RYR2: variants seen among roughly 807,000 people sequenced by gnomAD.
RYR2 encodes the protein cardiac muscle ryanodine receptor-calcium release channel.
In RYR2, 227 loss-of-function variants were observed where a neutral mutation model predicts 601.1. The observed-to-expected ratio is 0.38, with a 90% confidence interval of 0.34 to 0.42. The LOEUF (loss-of-function observed/expected upper bound fraction) is 0.42. Among genes scored for constraint, RYR2 ranks in the 10% least tolerant of loss-of-function variants. RYR2 has a pLI of 1.00. For missense variants in RYR2, 4,646 were observed against 6,156.5 expected (o/e 0.75, Z 8.21); for synonymous variants, 2,223 against 2,175.1 (o/e 1.02, Z -0.61).
intron 1 of RYR2, among the ~76,000 whole-genome samples, chr1:237,103,700 C>G (rs2148532705): frequency 6.6e-6 from 1 of 152,320 alleles, no homozygotes; most frequent in Non-Finnish European, 1.5e-5. Context: ...TCCCGAGTAG[C>G]TGGGATTACA....
chr1:237,464,637 A>G (rs1659861904), intron 16 of RYR2, among the ~76,000 whole-genome samples: 1 of 152,310 alleles, frequency 6.6e-6, no homozygotes, highest in South Asian at 2.1e-4. Flanking sequence ...CCCCCCAAAT[A>G]TCAGCAATCA....
chr1:237,171,489 C>T (rs1202793572), intron 1 of RYR2, among the ~76,000 whole-genome samples: 2 of 152,066 alleles, frequency 1.3e-5, no homozygotes, highest in Non-Finnish European at 2.9e-5. Flanking sequence ...ATCAGAATGC[C>T]TTTGATTTAT....
At chr1:237,720,751 A>G (rs1426965185) in intron 73 of RYR2, among the ~76,000 whole-genome samples, 1 of 152,238 alleles carries the variant, frequency 6.6e-6, no homozygotes, top group Non-Finnish European at 1.5e-5. Context: ...AGAGACAGAG[A>G]GTGCTCAGTA....
chr1:237,310,035 T>G (rs946494832), intron 2 of RYR2, among the ~76,000 whole-genome samples: 1 of 152,142 alleles, frequency 6.6e-6, no homozygotes, highest in Non-Finnish European at 1.5e-5. Flanking sequence ...AGCTCCAGCC[T>G]CGGCCAGCAC....
chr1:237,367,334 C>T (rs1342348604), intron 5 of RYR2, among the ~76,000 whole-genome samples: 2 of 152,130 alleles, frequency 1.3e-5, no homozygotes, highest in East Asian at 1.9e-4. Flanking sequence ...TCACACGATC[C>T]ACCTGTCTTG....
chr1:237,057,647 G>A (rs763352097), intron 1 of RYR2, among the ~76,000 whole-genome samples: 4 of 152,100 alleles, frequency 2.6e-5, no homozygotes, highest in Non-Finnish European at 5.9e-5. Context: ...AGAGGAGGTG[G>A]GAGCTTGAAA....
At chr1:237,116,430 G>A (rs1412139276) in intron 1 of RYR2, among the ~76,000 whole-genome samples, 1 of 152,038 alleles carries the variant, frequency 6.6e-6, no homozygotes, top group Non-Finnish European at 1.5e-5. Flanking sequence ...CATAATAGGA[G>A]GTACTCTTAT....
intron 3 of RYR2, among the ~76,000 whole-genome samples, chr1:237,337,072 G>A (rs1042618181): frequency 9.9e-5 from 15 of 151,758 alleles, no homozygotes; most frequent in African/African-American, 2.7e-4. Flanking sequence ...CCAACATGTT[G>A]AAACCCCATC....
intron 2 of RYR2, among the ~76,000 whole-genome samples, chr1:237,329,264 C>A (rs917638856): frequency 6.6e-6 from 1 of 152,014 alleles, no homozygotes; most frequent in Non-Finnish European, 1.5e-5. Flanking sequence ...CTTACTGCAG[C>A]CTCAAACTCT....
At position 237,732,202 on chromosome 1, in the gene RYR2, G is replaced by A. The variant is rs144921297; in HGVS notation, c.11039+53G>A. 6.1e-4 allele frequency: 632 copies of A among 1,043,002 alleles called. 3 individuals are homozygous for A. In the African/African-American group the frequency reaches 8.2e-3, roughly 13 times the overall value. The allele number at this position is 1,043,002 out of a possible 1,614,324, so 64.6% of individuals were successfully genotyped here. ...ATAGGAGGAGCAAATAAAGACACCC[G>A]TGTCTGAGTATTCTGTGCCATGTGT... On this transcript the variant is annotated intron_variant, in intron 78 of 104. Transcript: ENST00000366574.
chr1:237,374,846 G>A, intron 7 of RYR2, 51 bp downstream of exon 7: 2 of 1,443,222 alleles, frequency 1.4e-6, no homozygotes, highest in Non-Finnish European at 1.9e-6. Flanking sequence ...CCCTGCAGGG[G>A]TTGGATTGGA....
chr1:237,761,695 A>G (rs1171775578), intron 84 of RYR2, among the ~76,000 whole-genome samples: 1 of 152,146 alleles, frequency 6.6e-6, no homozygotes, highest in Admixed American at 6.5e-5. Flanking sequence ...CTGCCCTTTC[A>G]TTTTAGCAGT....
chr1:237,345,101 G>T (rs1045265357), intron 3 of RYR2, among the ~76,000 whole-genome samples: 1 of 152,066 alleles, frequency 6.6e-6, no homozygotes, highest in Admixed American at 6.6e-5. Flanking sequence ...GAGCCACTGC[G>T]CCCAGCCTGT....
chr1:237,266,607 T>G (rs1689083972), intron 1 of RYR2, among the ~76,000 whole-genome samples: 1 of 152,212 alleles, frequency 6.6e-6, no homozygotes. Flanking sequence ...TTTGGTTCAT[T>G]AAATGTTCAG....
chr1:237,631,278 C>T (rs1680219595), intron 41 of RYR2, 149 bp from the exon 42 acceptor site: 2 of 579,260 alleles, frequency 3.5e-6, no homozygotes, highest in South Asian at 2.4e-5. Flanking sequence ...AAAACAATTA[C>T]ATTCATTAAT....
chr1:237,715,203 A>G (rs957391611), intron 71 of RYR2, among the ~76,000 whole-genome samples: 2 of 152,124 alleles, frequency 1.3e-5, no homozygotes, highest in Non-Finnish European at 2.9e-5. Context: ...AGCTGCGCCT[A>G]TGAGCAAGGC....
At chr1:237,605,463 A>G (rs1225124925) in intron 35 of RYR2, among the ~76,000 whole-genome samples, 2 of 152,196 alleles carry the variant, frequency 1.3e-5, no homozygotes, top group African/African-American at 4.8e-5. Flanking sequence ...CACAGCCAAT[A>G]TCATACTGAA....
chr1:237,651,759 C>A (rs1049297847), intron 51 of RYR2, among the ~76,000 whole-genome samples: 1 of 151,402 alleles, frequency 6.6e-6, no homozygotes, highest in East Asian at 2.0e-4. Context: ...GACCACAGGC[C>A]GGGCGCGGTG....
chr1:237,569,111 T>G (rs1293930287), intron 28 of RYR2, 34 bp from the exon 29 acceptor site: 2 of 1,585,854 alleles, frequency 1.3e-6, no homozygotes, highest in Non-Finnish European at 1.7e-6. Flanking sequence ...CCTGGCTTAG[T>G]CTGTGACAAG....
Sources: gnomAD v4.1 joint callset for allele counts (sites outside exome capture counted in the v4.1 genomes callset) on GRCh38, gnomAD v4.1.1 for gene constraint, MANE v1.5 for transcripts, NCBI Gene and HGNC (gene_info 2026-07-23, HGNC 2026-07-21) for gene names.